The following GGT5 variants were observed in gnomAD, a reference collection of about 807,000 sequenced individuals.
GGT5 encodes the protein glutathione hydrolase 5 proenzyme.
In GGT5, 50 loss-of-function variants were observed where a neutral mutation model predicts 58.1. The ratio of observed to expected loss-of-function variants is 0.86; its 90% confidence interval spans 0.69 to 1.09. GGT5 has a LOEUF of 1.09. Ranked by LOEUF, GGT5 falls within the 50% of genes least tolerant of loss-of-function variation. The pLI, the probability that GGT5 is intolerant of heterozygous loss-of-function variation, is 0.00. For synonymous variants in GGT5, 370 were observed against 346.1 expected, an observed-to-expected ratio of 1.07 and a Z score of -0.77; for missense variants, 800 against 789.4, an observed-to-expected ratio of 1.01 and a Z score of -0.16.
At chr22:24,222,989 A>C (rs753590457) in intron 11 of GGT5, among the ~76,000 whole-genome samples, 3 of 151,952 alleles carry the variant, frequency 2.0e-5, no homozygotes, top group Non-Finnish European at 2.9e-5. Flanking sequence ...AGGCGGGAGG[A>C]TGAGGCAGGG....
At chr22:24,238,531 T>A (rs1183131168) in intron 1 of GGT5, among the ~76,000 whole-genome samples, 1 of 139,132 alleles carries the variant, frequency 7.2e-6, no homozygotes, top group Non-Finnish European at 1.5e-5. Flanking sequence ...TGAGACCCCA[T>A]CTCAAAAAAA....
At position 24,241,738 on chromosome 22, in the gene GGT5, A is replaced by G. The variant is rs192614058; in HGVS notation, c.173+2815T>C. The G allele has an allele frequency of 7.8e-3, 1,181 of 152,060 alleles. 17 individuals carry two copies. Among genetic ancestry groups the G allele is most frequent in the African/African-American group, 0.027 (1,132 of 41,484 alleles). The allele number at this position is 152,060 out of a possible 1,614,324, so 9.4% of individuals were successfully genotyped here. A position where few individuals can be genotyped will look rare whatever the true frequency, so the allele number is the denominator to read the frequency against. On this transcript the variant is annotated intron_variant, in intron 1 of 11. Transcript: ENST00000327365. ...GGGTATTATATCTTATATAGCTATT[A>G]TAATTATATAAAACATATAATTATA...
At chr22:24,231,965 G>T in intron 5 of GGT5, 86 bp downstream of exon 5, 2 of 1,166,480 alleles carry the variant, frequency 1.7e-6, no homozygotes, top group Non-Finnish European at 2.5e-6. Context: ...TCAGGGCCTG[G>T]GAAGGAGCCT....
intron 11 of GGT5, chr22:24,220,633 A>T (rs1460932885): frequency 4.4e-6 from 2 of 455,048 alleles, no homozygotes; most frequent in Admixed American, 4.7e-5. Flanking sequence ...GTGGTGGCAC[A>T]TACCTACAGT....
At chr22:24,233,798 G>A (rs1480617237) in intron 2 of GGT5, 76 bp downstream of exon 2, 30 of 1,411,004 alleles carry the variant, frequency 2.1e-5, no homozygotes, top group South Asian at 6.1e-5. Flanking sequence ...TGAGTTGATG[G>A]GACTGGCTGG....
intron 11 of GGT5, among the ~76,000 whole-genome samples, chr22:24,222,847 G>T (rs1383275796): frequency 6.6e-6 from 1 of 152,268 alleles, no homozygotes; most frequent in Admixed American, 6.5e-5. Flanking sequence ...GGAGGCCAAG[G>T]CGGGCGGATC....
chr22:24,240,641 C>T (rs970226369), intron 1 of GGT5, among the ~76,000 whole-genome samples: 2 of 151,990 alleles, frequency 1.3e-5, no homozygotes, highest in African/African-American at 4.8e-5. Context: ...AGTGTGCCAA[C>T]TTAGAATTAT....
At chr22:24,240,019 G>T (rs908679729) in intron 1 of GGT5, among the ~76,000 whole-genome samples, 1 of 152,208 alleles carries the variant, frequency 6.6e-6, no homozygotes, top group Non-Finnish European at 1.5e-5. Context: ...CCAAGAGGTG[G>T]AGGTTGCAGT....
intron 6 of GGT5, among the ~76,000 whole-genome samples, chr22:24,227,777 G>A (rs546449744): frequency 7.2e-5 from 11 of 151,978 alleles, no homozygotes; most frequent in South Asian, 2.1e-4. Context: ...AAAATAGAGC[G>A]GCAGCCAGCC....
chr22:24,220,342 A>G, intron 11 of GGT5: 3 of 625,054 alleles, frequency 4.8e-6, no homozygotes, highest in Middle Eastern at 8.6e-4. Context: ...GACACCACCC[A>G]GGCCCGAAGA....
At chr22:24,223,622 G>A (rs1459619485) in intron 11 of GGT5, among the ~76,000 whole-genome samples, 1 of 152,044 alleles carries the variant, frequency 6.6e-6, no homozygotes, top group Non-Finnish European at 1.5e-5. Context: ...AGGCTCTTGG[G>A]ACTACACTCT....
chr22:24,223,399 A>AAAAAAT (rs2047657693), intron 11 of GGT5, among the ~76,000 whole-genome samples: 1 of 152,114 alleles, frequency 6.6e-6, no homozygotes, highest in Admixed American at 6.5e-5. Context: ...AGACTGTCTA[A>AAAAAAT]AAAAATAAAA....
intron 11 of GGT5, among the ~76,000 whole-genome samples, chr22:24,221,400 A>C (rs9608251): frequency 0.072 from 10,611 of 147,478 alleles, 744 homozygotes; most frequent in African/African-American, 0.18. Context: ...ATCAGCTGGC[A>C]CCATCCAGAT....
chr22:24,230,184 G>A (rs1034826302), intron 6 of GGT5, among the ~76,000 whole-genome samples: 1 of 151,926 alleles, frequency 6.6e-6, no homozygotes, highest in Non-Finnish European at 1.5e-5. Flanking sequence ...CCTGACCAAC[G>A]TGGCAAAACC....
chr22:24,220,026 C>G lies in GGT5; in HGVS notation c.1705G>C (p.Ala569Pro). The G allele has an allele frequency of 6.2e-7, 1 of 1,614,054 alleles. No individual in the cohort carries two copies. Among genetic ancestry groups the G allele is most frequent in the Non-Finnish European group, 8.5e-7 (1 of 1,179,936 alleles). ...NVVQAVSQEG[A>P]CVYAVSDLRK... ...AGGTCCGAGACGGCGTACACACAGG[C>G]CCCCTCCTGGGACACAGCCTGGACC... The change falls in exon 12 of 12, where the codon GCC becomes CCC. Residue 569 changes from alanine (A) to proline (P), a missense_variant. Coordinates refer to ENST00000327365, the MANE Select transcript of GGT5 (RefSeq NM_004121.5).
chr22:24,222,477 G>A (rs779279372), intron 11 of GGT5, among the ~76,000 whole-genome samples: 2 of 152,124 alleles, frequency 1.3e-5, no homozygotes, highest in Non-Finnish European at 2.9e-5. Context: ...GAGTCCACTG[G>A]CCAAACTCCA....
chr22:24,237,645 G>A (rs1455549688), intron 1 of GGT5, among the ~76,000 whole-genome samples: 1 of 151,876 alleles, frequency 6.6e-6, no homozygotes, highest in Non-Finnish European at 1.5e-5. Context: ...CTGACCTCGT[G>A]ATCTGCCTGC....
chr22:24,228,060 A>T (rs1308666017), intron 6 of GGT5, among the ~76,000 whole-genome samples: 1 of 130,832 alleles, frequency 7.6e-6, no homozygotes, highest in Admixed American at 7.7e-5. Context: ...AAAAAAAAAA[A>T]AAAAAACAAA....
At chr22:24,226,942 ATTTT>A (rs34544519) in intron 6 of GGT5, among the ~76,000 whole-genome samples, 175 bp from the exon 7 acceptor site, 128 of 109,286 alleles carry the variant, frequency 1.2e-3, no homozygotes, top group African/African-American at 4.3e-3. Flanking sequence ...TAAGTTAAGG[ATTTT>A]TTTTTTTTTT....
Sources: gnomAD v4.1 joint callset for allele counts (sites outside exome capture counted in the v4.1 genomes callset) on GRCh38, gnomAD v4.1.1 for gene constraint, MANE v1.5 for transcripts, NCBI Gene and HGNC (gene_info 2026-07-23, HGNC 2026-07-21) for gene names.